The following RPAP2 variants were observed in gnomAD, a reference collection of about 807,000 sequenced individuals.
RPAP2 encodes the protein RNA polymerase II associated protein 2.
RPAP2 carries 52 observed loss-of-function variants against 73.1 expected under a neutral mutation model. The ratio of observed to expected loss-of-function variants is 0.71; its 90% CI spans 0.57 to 0.90. RPAP2 has a LOEUF of 0.90. Ranked by LOEUF, RPAP2 falls within the 40% of genes least tolerant of loss-of-function variation. The pLI is 0.00. For missense variants in RPAP2, 598 were observed against 701.8 expected, an observed-to-expected ratio of 0.85 and a Z score of 1.67; for synonymous variants, 225 against 242.1, an observed-to-expected ratio of 0.93 and a Z score of 0.65.
At chr1:92,337,561 A>T (rs1653348132) in intron 10 of RPAP2, among the ~76,000 whole-genome samples, 1 of 152,154 alleles carries the variant, frequency 6.6e-6, no homozygotes, top group Admixed American at 6.5e-5. Context: ...AAACTATCAA[A>T]CCTTCATAGA....
At chr1:92,365,138 A>T (rs1654885590) in intron 11 of RPAP2, among the ~76,000 whole-genome samples, 1 of 152,160 alleles carries the variant, frequency 6.6e-6, no homozygotes, top group Non-Finnish European at 1.5e-5. Flanking sequence ...AGCCTTCCTT[A>T]ACACCCCACA....
chr1:92,366,689 C>T (rs1571131985), intron 11 of RPAP2, among the ~76,000 whole-genome samples: 1 of 152,134 alleles, frequency 6.6e-6, no homozygotes, highest in Non-Finnish European at 1.5e-5. Context: ...TGCTAAGGAG[C>T]ATGCAGTATA....
At chr1:92,370,624 T>TA (rs1446093097) in intron 11 of RPAP2, among the ~76,000 whole-genome samples, 2 of 151,652 alleles carry the variant, frequency 1.3e-5, no homozygotes, top group Non-Finnish European at 2.9e-5. Context: ...ATCATGTAGG[T>TA]AGTTTATTAG....
chr1:92,382,680 G>A (rs547099544), intron 12 of RPAP2, among the ~76,000 whole-genome samples: 26 of 151,928 alleles, frequency 1.7e-4, no homozygotes, highest in Middle Eastern at 3.4e-3. Context: ...GCCCTTTGTC[G>A]ATGAGTAGGT....
At chr1:92,362,869 A>G (rs186944590) in intron 11 of RPAP2, among the ~76,000 whole-genome samples, 356 of 152,274 alleles carry the variant, frequency 2.3e-3, no homozygotes, top group Non-Finnish European at 3.4e-3. Context: ...AACTAGTATT[A>G]TTCTGGTTTC....
In RPAP2 at chr1:92,397,128, C is replaced by T. The variant is rs920399759; in HGVS notation, c.*10117C>T. 6.6e-6 allele frequency: 1 copy of T among 152,222 alleles called. No individual in the cohort carries two copies. The highest frequency in any genetic ancestry group is 2.1e-4 in the South Asian group (1 of 4,828). 9.4% of individuals were successfully genotyped at this position (152,222 alleles called of 1,614,324 possible). A position where few individuals can be genotyped will look rare whatever the true frequency, so the allele number is the denominator to read the frequency against. ...AGCTAGCCAGGCACAGGGGCTCACACCTGTAATCCCAGCACTTTGGGAAGC... is the reference window on the plus strand; with the variant it reads ...AGCTAGCCAGGCACAGGGGCTCACATCTGTAATCCCAGCACTTTGGGAAGC... On this transcript the variant is annotated 3_prime_UTR_variant, in exon 13 of 13. Transcript: ENST00000610020.
At chr1:92,368,686 T>C (rs545104643) in intron 11 of RPAP2, among the ~76,000 whole-genome samples, 1 of 152,352 alleles carries the variant, frequency 6.6e-6, no homozygotes, top group African/African-American at 2.4e-5. Context: ...AAACTCTTCT[T>C]ACTACTGTAT....
intron 11 of RPAP2, among the ~76,000 whole-genome samples, chr1:92,358,857 G>T (rs1654610170): frequency 6.6e-6 from 1 of 152,124 alleles, no homozygotes; most frequent in Non-Finnish European, 1.5e-5. Flanking sequence ...AAAGTGCTGG[G>T]ATTACAGGTG....
chr1:92,396,539 T>G lies in RPAP2; in HGVS notation c.*9528T>G, dbSNP rs924805901. 6.6e-6 allele frequency: 1 copy of G among 152,170 alleles called. No individual in the cohort carries two copies. The highest frequency in any genetic ancestry group is 2.4e-5 in the African/African-American group (1 of 41,432). 9.4% of individuals were successfully genotyped at this position (152,170 alleles called of 1,614,324 possible). A position where few individuals can be genotyped will look rare whatever the true frequency, so the allele number is the denominator to read the frequency against. ...TAAATTAGCAGTTGCATGGGTCTGA[T>G]GTGAAAACATGGATTGCCTGCAGAT... On this transcript the variant is annotated 3_prime_UTR_variant, in exon 13 of 13. Coordinates refer to ENST00000610020, the MANE Select transcript of RPAP2 (RefSeq NM_024813.3).
chr1:92,360,947 A>G (rs1654701580), intron 11 of RPAP2, among the ~76,000 whole-genome samples: 2 of 152,006 alleles, frequency 1.3e-5, no homozygotes, highest in African/African-American at 2.4e-5. Flanking sequence ...TACAGCCACT[A>G]TGTTTAATTA....
chr1:92,315,128 T>G (rs1471002889), intron 6 of RPAP2, among the ~76,000 whole-genome samples: 1 of 151,980 alleles, frequency 6.6e-6, no homozygotes, highest in Non-Finnish European at 1.5e-5. Context: ...AAAAAAAATT[T>G]AAAGGAAAAG....
chr1:92,380,448 T>C (rs941923475), intron 11 of RPAP2, among the ~76,000 whole-genome samples: 13 of 152,218 alleles, frequency 8.5e-5, no homozygotes, highest in African/African-American at 3.1e-4. Context: ...GAGTTCATTT[T>C]CTGAGCAGAA....
Position 92,392,142 on chromosome 1 carries a change from C to G in RPAP2, c.*5131C>G, listed in dbSNP as rs1367076217. On this transcript the variant is annotated 3_prime_UTR_variant, in exon 13 of 13. Coordinates refer to ENST00000610020, the MANE Select transcript of RPAP2 (RefSeq NM_024813.3). ...CGATGCGAAAATCCTCAATAAAATACTGGCAAACCGAATCCAGCAGCATAT... is the reference window on the plus strand; with the variant it reads ...CGATGCGAAAATCCTCAATAAAATAGTGGCAAACCGAATCCAGCAGCATAT... 2 of 152,184 alleles carry G rather than the reference C, an allele frequency of 1.3e-5. No homozygotes were observed. The highest frequency in any genetic ancestry group is 2.9e-5 in the Non-Finnish European group (2 of 68,048). 9.4% of individuals were successfully genotyped at this position (152,184 alleles called of 1,614,324 possible).
rs1656076323 is a variant in RPAP2 at position 92,392,354 on chromosome 1, C to G, written c.*5343C>G. 1.3e-5 allele frequency: 2 copies of G among 152,114 alleles called. No homozygotes were observed. The highest frequency in any genetic ancestry group is 4.1e-4 in the South Asian group (2 of 4,822). 9.4% of individuals were successfully genotyped at this position (152,114 alleles called of 1,614,324 possible). On this transcript the variant is annotated 3_prime_UTR_variant, in exon 13 of 13. Transcript: ENST00000610020. Reference sequence around the variant, plus strand: ...AACAGCCTTTCATGCTAAAAACCCTCAATAAACTAGGTATTGATGGAATGT... The same window carrying G: ...AACAGCCTTTCATGCTAAAAACCCTGAATAAACTAGGTATTGATGGAATGT...
At chr1:92,317,397 A>G (rs941028099) in intron 6 of RPAP2, among the ~76,000 whole-genome samples, 7 of 151,884 alleles carry the variant, frequency 4.6e-5, no homozygotes, top group Non-Finnish European at 1.5e-5. Flanking sequence ...AATCCCAGCT[A>G]CTCAGGAGGC....
rs1314233882 is a variant in RPAP2, at chr1:92,388,378, A to AAAAAAT, written c.*1383_*1388dup. The AAAAAAT allele has an allele frequency of 5.9e-5, 9 of 152,420 alleles. No homozygotes were observed. The East Asian group carries it at 1.2e-3, about 20-fold the overall frequency. 9.4% of individuals were successfully genotyped at this position (152,420 alleles called of 1,614,324 possible). On this transcript the variant is annotated 3_prime_UTR_variant, in exon 13 of 13. Coordinates refer to ENST00000610020, the MANE Select transcript of RPAP2 (RefSeq NM_024813.3). ...CAACAAAGTGAGACCCTGTCTCCAC[A>AAAAAAT]AAAAATAAAAATAAAAATAAATTGA...
chr1:92,305,432 C>CAAAAAAAAA lies in RPAP2; in HGVS notation c.399+1094_399+1102dup, dbSNP rs71091273. ...GGGGCAACAGAGTGAGGCTCCGTCT[C>CAAAAAAAAA]AAAAAAAAAAAAAAAAAAAGACAAT... On this transcript the variant is annotated intron_variant, in intron 5 of 12. Coordinates refer to ENST00000610020, the MANE Select transcript of RPAP2 (RefSeq NM_024813.3). Among the ~76,000 whole-genome samples, 93 of 52,670 alleles carry CAAAAAAAAA rather than the reference C, an allele frequency of 1.8e-3. 3 individuals are homozygous for CAAAAAAAAA. Among genetic ancestry groups the CAAAAAAAAA allele is most frequent in the East Asian group, 9.6e-3 (7 of 728 alleles). The allele number at this position is 52,670 out of a possible 152,430, so 34.6% of individuals were successfully genotyped here. A position where few individuals can be genotyped will look rare whatever the true frequency, so the allele number is the denominator to read the frequency against.
intron 11 of RPAP2, among the ~76,000 whole-genome samples, chr1:92,352,744 A>G (rs948785201): frequency 7.2e-5 from 11 of 152,214 alleles, no homozygotes; most frequent in African/African-American, 2.7e-4. Context: ...AAAATATACA[A>G]TTCACTGGTT....
intron 6 of RPAP2, among the ~76,000 whole-genome samples, chr1:92,307,584 A>G (rs1447026819): frequency 6.6e-6 from 1 of 152,194 alleles, no homozygotes; most frequent in Non-Finnish European, 1.5e-5. Flanking sequence ...CTGGAGGAAG[A>G]ATGTTAAATT....
Sources: allele counts gnomAD v4.1 joint callset (sites outside exome capture counted in the v4.1 genomes callset), GRCh38; gene constraint gnomAD v4.1.1; transcripts MANE v1.5; gene names NCBI Gene and HGNC (gene_info 2026-07-23, HGNC 2026-07-21).